SORBS2: variants seen among roughly 807,000 people sequenced by gnomAD.
SORBS2 encodes sorbin and SH3 domain-containing protein 2.
Under a neutral mutation model 97.7 loss-of-function variants are expected in SORBS2, and 46 were observed. The ratio of observed to expected loss-of-function variants is 0.47; its 90% confidence interval spans 0.37 to 0.60. The LOEUF (loss-of-function observed/expected upper bound fraction) is 0.60, where lower values mean the gene tolerates loss of function less well. Among genes scored for constraint, SORBS2 ranks in the 20% least tolerant of loss-of-function variants. The pLI is 0.00. For synonymous variants in SORBS2, 476 were observed against 473.4 expected (o/e 1.01, Z -0.07); for missense variants, 1,316 against 1,282.3 (o/e 1.03, Z -0.40).
chr4:185,593,577 T>G, intron 13 of SORBS2: 1 of 320,280 alleles, frequency 3.1e-6, no homozygotes, highest in Non-Finnish European at 5.7e-6. Context: ...AAGCTCGCAG[T>G]TACTCGTTAC....
At chr4:185,854,785 A>AAGAGAGAGAGAGAGAGAG (rs10560938) in intron 1 of SORBS2, among the ~76,000 whole-genome samples, 10 of 149,798 alleles carry the variant, frequency 6.7e-5, no homozygotes, top group African/African-American at 1.7e-4. Flanking sequence ...AGAAATAGAG[A>AAGAGAGAGAGAGAGAGAG]AGAGAGAGAG....
chr4:185,730,314 T>C (rs77245748), intron 2 of SORBS2, among the ~76,000 whole-genome samples: 2,829 of 106,024 alleles, frequency 0.027, 88 homozygotes, highest in African/African-American at 0.071. Flanking sequence ...TACTTTCTTT[T>C]TTTTTTTTTT....
intron 2 of SORBS2, among the ~76,000 whole-genome samples, chr4:185,740,818 C>A (rs1293784000): frequency 1.3e-5 from 2 of 152,130 alleles, no homozygotes; most frequent in Non-Finnish European, 2.9e-5. Flanking sequence ...AGCACTAACT[C>A]AACCCAGCAC....
At chr4:185,652,629 G>A (rs554443715) in intron 2 of SORBS2, 33 bp downstream of exon 10, 20 of 1,569,148 alleles carry the variant, frequency 1.3e-5, no homozygotes, top group Non-Finnish European at 1.7e-5. Flanking sequence ...CAACCCACAA[G>A]GACCTCATCA....
At chr4:185,691,893 C>A (rs769528658) in intron 2 of SORBS2, among the ~76,000 whole-genome samples, 2 of 152,156 alleles carry the variant, frequency 1.3e-5, no homozygotes, top group African/African-American at 2.4e-5. Context: ...TACAGGCACC[C>A]GCCACCACGC....
intron 1 of SORBS2, among the ~76,000 whole-genome samples, chr4:185,910,969 A>T (rs960495182): frequency 1.3e-5 from 2 of 152,146 alleles, no homozygotes; most frequent in Non-Finnish European, 2.9e-5. Flanking sequence ...TTAAAAAAAA[A>T]AAACTTCCCT....
rs1053153002 is a variant in SORBS2, at chr4:185,684,970, A to C, written c.-197-6148T>G. ...AGATGAACAGTTAGAATTAGTAATC[A>C]TGGAATGCACCTGCCAATTTCACAC... On this transcript the variant is annotated intron_variant, in intron 2 of 20. Coordinates refer to the SORBS2 transcript ENST00000284776. The surrounding 1 kb of genome is among the most constrained non-coding windows in gnomAD (Gnocchi z 4.2). The C allele has an allele frequency of 2.8e-6, 2 of 722,136 alleles. No individual in the cohort carries two copies. The highest frequency in any genetic ancestry group is 1.8e-5 in the African/African-American group (1 of 56,660). The allele number at this position is 722,136 out of a possible 1,614,324, so 44.7% of individuals were successfully genotyped here.
intron 1 of SORBS2, among the ~76,000 whole-genome samples, chr4:185,798,588 C>T (rs1361424815): frequency 6.6e-6 from 1 of 152,176 alleles, no homozygotes; most frequent in Non-Finnish European, 1.5e-5. Context: ...AAAAGTGGAT[C>T]TTTCTTTGCA....
At chr4:185,847,779 G>C (rs904490161) in intron 1 of SORBS2, among the ~76,000 whole-genome samples, 1 of 152,186 alleles carries the variant, frequency 6.6e-6, no homozygotes, top group African/African-American at 2.4e-5. Context: ...AACTGAAGAA[G>C]CACTGGGCTC....
chr4:185,791,456 G>C (rs1024489039), intron 1 of SORBS2, among the ~76,000 whole-genome samples: 1 of 152,042 alleles, frequency 6.6e-6, no homozygotes, highest in Non-Finnish European at 1.5e-5. Flanking sequence ...AAAAAACCTA[G>C]CTCACAGTGG....
At chr4:185,679,285 C>T (rs1328044965) in intron 2 of SORBS2, among the ~76,000 whole-genome samples, 1 of 152,110 alleles carries the variant, frequency 6.6e-6, no homozygotes, top group Non-Finnish European at 1.5e-5. Flanking sequence ...CCTTAAGAAA[C>T]TGTAGACCTG....
intron 2 of SORBS2, among the ~76,000 whole-genome samples, chr4:185,751,563 C>T (rs2098800466): frequency 6.6e-6 from 1 of 152,132 alleles, no homozygotes; most frequent in Non-Finnish European, 1.5e-5. Flanking sequence ...GCAGGAGAGG[C>T]AGCTGCCCAG....
At chr4:185,851,886 G>T (rs2149686651) in intron 1 of SORBS2, among the ~76,000 whole-genome samples, 1 of 152,092 alleles carries the variant, frequency 6.6e-6, no homozygotes, top group African/African-American at 2.4e-5. Flanking sequence ...CCTATTGTGG[G>T]GCCTTGTGAC....
intron 2 of SORBS2, among the ~76,000 whole-genome samples, chr4:185,761,977 T>C (rs1486945049): frequency 1.3e-5 from 2 of 152,204 alleles, no homozygotes; most frequent in Non-Finnish European, 2.9e-5. Context: ...GAAGTCTACA[T>C]GCAAAGCTGA....
exon 4 of SORBS2, chr4:185,678,462 G>A (rs1164250170): frequency 1.3e-6 from 2 of 1,550,762 alleles, no homozygotes; most frequent in Non-Finnish European, 8.7e-7. Context: ...TTGGTCGAAC[G>A]CTTCTAAAAC....
At chr4:185,678,443 C>T (rs891332353) in exon 4 of SORBS2, 14 of 1,550,432 alleles carry the variant, frequency 9.0e-6, no homozygotes, top group African/African-American at 1.4e-5. Context: ...GATCTTTTAT[C>T]TTGTAGGTTT....
upstream of SORBS2, chr4:185,657,116 CT>C (rs569049554): frequency 7.4e-5 from 23 of 309,946 alleles, no homozygotes; most frequent in African/African-American, 1.1e-4. Context: ...TGCCCTAAGC[CT>C]CCTTGGTAAA....
At chr4:185,916,935 G>T (rs1201227483) in intron 1 of SORBS2, among the ~76,000 whole-genome samples, 1 of 152,212 alleles carries the variant, frequency 6.6e-6, no homozygotes, top group Non-Finnish European at 1.5e-5. Flanking sequence ...GGATGGGGCT[G>T]GGTACCAGAA....
chr4:185,744,112 C>G (rs774866060), intron 2 of SORBS2, among the ~76,000 whole-genome samples: 3 of 148,564 alleles, frequency 2.0e-5, no homozygotes, highest in Non-Finnish European at 4.5e-5. Flanking sequence ...TTCTCCCCCT[C>G]CTCCTCCTTT....
Sources: allele counts gnomAD v4.1 joint callset (sites outside exome capture counted in the v4.1 genomes callset), GRCh38; gene constraint gnomAD v4.1.1; non-coding constraint Gnocchi (gnomAD v3.1); transcripts MANE v1.5; gene names NCBI Gene and HGNC (gene_info 2026-07-23, HGNC 2026-07-21).